The following FST variants were observed in gnomAD, a reference collection of about 807,000 sequenced individuals.
The protein encoded by FST is follistatin, also known as activin-binding protein.
FST carries 6 observed loss-of-function variants against 38.4 expected under a neutral mutation model. That is an observed-to-expected ratio of 0.16 (90% CI 0.09 to 0.31). FST has a LOEUF of 0.31. Ranked by LOEUF, FST falls within the 10% of genes least tolerant of loss-of-function variation. FST has a pLI of 1.00. For missense variants in FST, 301 were observed against 432.3 expected (o/e 0.70, Z 2.69); for synonymous variants, 157 against 169.8 (o/e 0.92, Z 0.59).
chr5:53,485,822 T>G, intron 5 of FST, 129 bp from the exon 6 acceptor site: 1 of 1,596,410 alleles, frequency 6.3e-7, no homozygotes, highest in East Asian at 2.2e-5. Context: ...AGCATCTCAC[T>G]GCAAGTCACA....
In FST at chr5:53,483,430, C is replaced by T. The variant is rs965801200; in HGVS notation, c.278-74C>T. On this transcript the variant is annotated intron_variant, in intron 2 of 5. Coordinates refer to ENST00000256759, the MANE Select transcript of FST (RefSeq NM_013409.3). The surrounding 1 kb of genome is among the most constrained non-coding windows in gnomAD (Gnocchi z 4.1). ...CTCAGGGCTGCATGATTGCGCAAGGCACCCGAAGCCCTCCTGGCTGACCTG... is the reference window on the plus strand; with the variant it reads ...CTCAGGGCTGCATGATTGCGCAAGGTACCCGAAGCCCTCCTGGCTGACCTG... 12 of 1,173,406 alleles carry T rather than the reference C, an allele frequency of 1.0e-5. No individual in the cohort carries two copies. In the African/African-American group the frequency reaches 1.7e-4, roughly 16 times the overall value. The allele number at this position is 1,173,406 out of a possible 1,614,324, so 72.7% of individuals were successfully genotyped here. A position where few individuals can be genotyped will look rare whatever the true frequency, so the allele number is the denominator to read the frequency against.
rs748742114 is a variant in FST at position 53,485,712 on chromosome 5, T to C, written c.953-239T>C. ...GAATCTGCCCGTAAAACCTGAGCCA[T>C]TGATTCTTCAGAACTTTCTGCAGTT... On this transcript the variant is annotated intron_variant, in intron 5 of 5. Coordinates refer to ENST00000256759, the MANE Select transcript of FST (RefSeq NM_013409.3). 5 of 1,612,390 alleles carry C rather than the reference T, an allele frequency of 3.1e-6. No individual in the cohort carries two copies. The South Asian group carries it at 3.3e-5, about 11-fold the overall frequency.
rs867149376 is a variant in FST at position 53,480,730 on chromosome 5, C to T, written c.-62C>T. 8.0e-4 allele frequency: 418 copies of T among 523,084 alleles called. 9 individuals are homozygous for T. In the South Asian group the frequency reaches 0.013, roughly 17 times the overall value. 32.4% of individuals were successfully genotyped at this position (523,084 alleles called of 1,614,324 possible). A position where few individuals can be genotyped will look rare whatever the true frequency, so the allele number is the denominator to read the frequency against. On this transcript the variant is annotated 5_prime_UTR_variant, in exon 1 of 6. Coordinates refer to ENST00000256759, the MANE Select transcript of FST (RefSeq NM_013409.3). ...CTGCGACGCGCGCCGCTCGCCCGAG[C>T]CACCCGCCGCCGCGCCGGCTCCCCG...
At position 53,482,939 on chromosome 5, in the gene FST, G is replaced by A. The variant is rs751236996; in HGVS notation, c.145G>A (p.Glu49Lys). ...NGRCQVLYKT[E>K]LSKEECCSTG... ...CCGCTGCCAGGTCCTGTACAAGACC[G>A]AACTGAGCAAGGAGGAGTGCTGCAG... Residue 49 changes from glutamate (E) to lysine (K), a missense_variant, in exon 2 of 6, where the codon GAA (glutamate) becomes AAA (lysine). Coordinates refer to ENST00000256759, the MANE Select transcript of FST (RefSeq NM_013409.3). The A allele has an allele frequency of 3.7e-6, 6 of 1,613,260 alleles. No homozygotes were observed. The highest frequency in any genetic ancestry group is 2.7e-5 in the African/African-American group (2 of 74,894).
Position 53,480,752 on chromosome 5 carries a change from CCCGCGCCGCTGCGCTCCTCG to C in FST, c.-37_-18del. On this transcript the variant is annotated 5_prime_UTR_variant, in exon 1 of 6. Coordinates refer to ENST00000256759, the MANE Select transcript of FST (RefSeq NM_013409.3). ...GAGCCACCCGCCGCCGCGCCGGCTC[CCCGCGCCGCTGCGCTCCTCG>C]CCCCGCGCCTGCCCCCAGGATGGTC... is the stretch of plus-strand genomic sequence containing the variant. 1 of 978,988 alleles carries C rather than the reference CCCGCGCCGCTGCGCTCCTCG, an allele frequency of 1.0e-6. No individual in the cohort carries two copies. 60.6% of individuals were successfully genotyped at this position (978,988 alleles called of 1,614,324 possible). A position where few individuals can be genotyped will look rare whatever the true frequency, so the allele number is the denominator to read the frequency against.
rs1747338527 is a variant in FST, at chr5:53,483,063, C to T, written c.269C>T (p.Pro90Leu). 6.2e-7 allele frequency: 1 copy of T among 1,610,858 alleles called. No individual in the cohort carries two copies. The highest frequency in any genetic ancestry group is 1.3e-5 in the African/African-American group (1 of 74,874). Residue 90 changes from proline (P) to leucine (L), a missense_variant, in exon 2 of 6, where the codon CCC (proline) becomes CTC (leucine). Pro to Leu is a moderately conservative substitution (Grantham distance 98, BLOSUM62 -3). Transcript: ENST00000256759. This position sits in a 1 kb window ranked among gnomAD's most constrained non-coding sequence, Gnocchi z 4.1. ...IFNGGAPNCI[P>L]CKETCENVDC... The stretch of plus-strand genomic sequence containing the variant: ...AACGGGGGCGCCCCCAACTGCATCC[C>T]CTGTAAAGGTAGGACTCCTTCTTCC...
chr5:53,486,090 A>G lies in FST; in HGVS notation c.*57A>G, dbSNP rs569714330. 41 of 885,232 alleles carry G rather than the reference A, an allele frequency of 4.6e-5. No homozygotes were observed. The highest frequency in any genetic ancestry group is 1.9e-4 in the African/African-American group (11 of 56,836). 54.8% of individuals were successfully genotyped at this position (885,232 alleles called of 1,614,324 possible). Reference sequence around the variant, plus strand: ...CTTTGTGCAAAAAAAAAAAAAAAAAAAAAGAAAAAGAAAAAAAGAAAAATA... The same window carrying G: ...CTTTGTGCAAAAAAAAAAAAAAAAAGAAAGAAAAAGAAAAAAAGAAAAATA... On this transcript the variant is annotated 3_prime_UTR_variant, in exon 6 of 6. Coordinates refer to ENST00000256759, the MANE Select transcript of FST (RefSeq NM_013409.3).
Position 53,483,357 on chromosome 5 carries a change from C to T in FST, c.278-147C>T, listed in dbSNP as rs1747355956. On this transcript the variant is annotated intron_variant, in intron 2 of 5. Transcript: ENST00000256759. This position sits in a 1 kb window ranked among gnomAD's most constrained non-coding sequence, Gnocchi z 4.1. ...ACAGCCCAAGGTCCACACTCTTTCA[C>T]CAACTCCCAATATTCCAGGAGAGAG... is the stretch of plus-strand genomic sequence containing the variant. 3.1e-6 allele frequency: 2 copies of T among 654,480 alleles called. No homozygotes were observed. Among genetic ancestry groups the T allele is most frequent in the South Asian group, 3.8e-5 (2 of 52,676 alleles). 40.5% of individuals were successfully genotyped at this position (654,480 alleles called of 1,614,324 possible).
intron 1 of FST, 68 bp downstream of exon 1, chr5:53,480,944 C>T: frequency 1.3e-6 from 1 of 785,126 alleles, no homozygotes; most frequent in African/African-American, 1.8e-5. Context: ...CTGTGGTCTC[C>T]ACTTGGTCTG....
At chr5:53,480,912 G>T (rs755960994) in intron 1 of FST, 36 bp downstream of exon 1, 2 of 1,219,720 alleles carry the variant, frequency 1.6e-6, no homozygotes, top group Non-Finnish European at 2.3e-6. Context: ...AGGCTTGGCT[G>T]AGGACAGGGG....
intron 1 of FST, among the ~76,000 whole-genome samples, chr5:53,482,542 A>G (rs957948811): frequency 6.6e-6 from 1 of 151,922 alleles, no homozygotes; most frequent in African/African-American, 2.4e-5. Flanking sequence ...TAAACAGTCT[A>G]GTAAAAGTCA....
At position 53,483,787 on chromosome 5, in the gene FST, A is replaced by G. The variant is rs867513627; in HGVS notation, c.496+65A>G. 4.3e-5 allele frequency: 52 copies of G among 1,205,550 alleles called. 3 individuals carry two copies. In the Middle Eastern group the frequency reaches 6.9e-3, roughly 161 times the overall value. The allele number at this position is 1,205,550 out of a possible 1,614,324, so 74.7% of individuals were successfully genotyped here. On this transcript the variant is annotated intron_variant, in intron 3 of 5. Transcript: ENST00000256759. This position sits in a 1 kb window ranked among gnomAD's most constrained non-coding sequence, Gnocchi z 4.1. Reference sequence around the variant, plus strand: ...TCCTCCAGCTTTGTACCTAAAGTAGACCCTCTAGAAGACCCTTGGGGGATG... The same window carrying G: ...TCCTCCAGCTTTGTACCTAAAGTAGGCCCTCTAGAAGACCCTTGGGGGATG...
Position 53,485,990 on chromosome 5 carries a change from A to G in FST, c.992A>G (p.Asp331Gly), listed in dbSNP as rs1747524161. The change falls in exon 6 of 6, where the codon GAC (aspartate) becomes GGC (glycine). Residue 331 changes from aspartate to glycine, a missense_variant. By Grantham distance (94) the Asp-to-Gly change is moderately conservative. Coordinates refer to ENST00000256759, the MANE Select transcript of FST (RefSeq NM_013409.3). ...ACCGAGGAAGAGGAGGAAGATGAAGACCAGGACTACAGCTTTCCTATATCT... is the reference window on the plus strand; with the variant it reads ...ACCGAGGAAGAGGAGGAAGATGAAGGCCAGGACTACAGCTTTCCTATATCT... ...EDTEEEEEDEDQDYSFPISSI... is the reference protein window; with the variant it reads ...EDTEEEEEDEGQDYSFPISSI... The G allele has an allele frequency of 6.2e-7, 1 of 1,606,934 alleles. No homozygotes were observed. Among genetic ancestry groups the G allele is most frequent in the African/African-American group, 1.3e-5 (1 of 74,118 alleles).
chr5:53,483,788 C>G lies in FST; in HGVS notation c.496+66C>G, dbSNP rs1472413996. ...CCTCCAGCTTTGTACCTAAAGTAGA[C>G]CCTCTAGAAGACCCTTGGGGGATGG... On this transcript the variant is annotated intron_variant, in intron 3 of 5. Transcript: ENST00000256759. The surrounding 1 kb of genome is among the most constrained non-coding windows in gnomAD (Gnocchi z 4.1). The G allele has an allele frequency of 8.3e-7, 1 of 1,206,420 alleles. No individual in the cohort carries two copies. The highest frequency in any genetic ancestry group is 2.3e-5 in the East Asian group (1 of 42,610). The allele number at this position is 1,206,420 out of a possible 1,614,324, so 74.7% of individuals were successfully genotyped here. A position where few individuals can be genotyped will look rare whatever the true frequency, so the allele number is the denominator to read the frequency against.
At chr5:53,485,735 G>A (rs1747510818) in intron 5 of FST, 1 of 1,608,340 alleles carries the variant, frequency 6.2e-7, no homozygotes, top group Admixed American at 1.7e-5. Flanking sequence ...ACTTTCTGCA[G>A]TTTTTGACTT....
At chr5:53,485,904 T>G (rs367835830) in intron 5 of FST, 47 bp from the exon 6 acceptor site, 1 of 1,604,824 alleles carries the variant, frequency 6.2e-7, no homozygotes, top group African/African-American at 1.3e-5. Flanking sequence ...TTCTGCGCTG[T>G]TGTTGTCCGT....
In FST at chr5:53,480,774, C is replaced by T. The variant is rs1202067452; in HGVS notation, c.-18C>T. 1.9e-5 allele frequency: 26 copies of T among 1,360,504 alleles called. No homozygotes were observed. Among genetic ancestry groups the T allele is most frequent in the Non-Finnish European group, 2.4e-5 (25 of 1,028,018 alleles). The allele number at this position is 1,360,504 out of a possible 1,614,324, so 84.3% of individuals were successfully genotyped here. ...CTCCCCGCGCCGCTGCGCTCCTCGC[C>T]CCGCGCCTGCCCCCAGGATGGTCCG... On this transcript the variant is annotated 5_prime_UTR_variant, in exon 1 of 6. Transcript: ENST00000256759.
At position 53,482,986 on chromosome 5, in the gene FST, G is replaced by T; in HGVS notation, c.192G>T (p.Ser64=). The T allele has an allele frequency of 6.2e-7, 1 of 1,613,862 alleles. No individual in the cohort carries two copies. Among genetic ancestry groups the T allele is most frequent in the Non-Finnish European group, 8.5e-7 (1 of 1,179,740 alleles). Residue 64 remains serine (S), a synonymous_variant, in exon 2 of 6, where the codon TCG becomes TCT. Transcript: ENST00000256759. Reference sequence around the variant, plus strand: ...GCAGCACCGGCCGGCTGAGCACCTCGTGGACCGAGGAGGACGTGAATGACA... The same window carrying T: ...GCAGCACCGGCCGGCTGAGCACCTCTTGGACCGAGGAGGACGTGAATGACA... ...ECCSTGRLST[S]WTEEDVNDNT... is the part of the protein sequence containing the mutation.
chr5:53,485,755 T>C (rs1367876218), intron 5 of FST, 196 bp from the exon 6 acceptor site: 3 of 1,595,996 alleles, frequency 1.9e-6, no homozygotes, highest in African/African-American at 1.4e-5. Flanking sequence ...TCATAGATTA[T>C]GCTTTAAAAA....
Sources: allele counts gnomAD v4.1 joint callset (sites outside exome capture counted in the v4.1 genomes callset), GRCh38; gene constraint gnomAD v4.1.1; non-coding constraint Gnocchi (gnomAD v3.1); transcripts MANE v1.5; gene names NCBI Gene and HGNC (gene_info 2026-07-23, HGNC 2026-07-21).